Variants in DLGAP1 observed in about 807,000 individuals in gnomAD.
DLGAP1 encodes DLG associated protein 1.
DLGAP1 carries 11 observed loss-of-function variants against 90.8 expected under a neutral mutation model. The ratio of observed to expected loss-of-function variants is 0.12; its 90% CI spans 0.08 to 0.20. The LOEUF (loss-of-function observed/expected upper bound fraction) is 0.20, where lower values mean the gene tolerates loss of function less well. Among genes scored for constraint, DLGAP1 ranks in the 10% least tolerant of loss-of-function variants. The probability of loss-of-function intolerance (pLI) is 1.00; values close to 1 mark genes in which losing one functional copy is unlikely to be tolerated. For missense variants in DLGAP1, 1,050 were observed against 1,333.8 expected, an observed-to-expected ratio of 0.79 and a Z score of 3.31; for synonymous variants, 558 against 540.7, an observed-to-expected ratio of 1.03 and a Z score of -0.44.
intron 2 of DLGAP1, among the ~76,000 whole-genome samples, chr18:4,115,865 C>T (rs1477698332): frequency 6.6e-6 from 1 of 152,176 alleles, no homozygotes; most frequent in Non-Finnish European, 1.5e-5. Flanking sequence ...TATAAACTCA[C>T]TAATATAATG....
Position 4,223,090 on chromosome 18 carries a change from C to G in DLGAP1, c.-266-71803G>C, listed in dbSNP as rs557441691. Among the ~76,000 whole-genome samples, 4 of 152,076 alleles carry G rather than the reference C, an allele frequency of 2.6e-5. No individual in the cohort carries two copies. In the South Asian group the frequency reaches 8.3e-4, roughly 32 times the overall value. On this transcript the variant is annotated intron_variant, in intron 1 of 12. Coordinates refer to ENST00000315677, the MANE Select transcript of DLGAP1 (RefSeq NM_004746.4). ...TAGCAACATAGCAAGACCCCTGTCT[C>G]TCTAAGAAAATAAAATAAAATAAAA...
intron 10 of DLGAP1, among the ~76,000 whole-genome samples, chr18:3,532,519 G>A (rs776529592): frequency 8.9e-4 from 135 of 151,278 alleles, no homozygotes; most frequent in Non-Finnish European, 5.2e-4. Flanking sequence ...CAGACGTTGC[G>A]GTGAGCCAAG....
intron 1 of DLGAP1, among the ~76,000 whole-genome samples, chr18:4,356,220 C>G (rs868866297): frequency 5.3e-5 from 8 of 151,758 alleles, no homozygotes; most frequent in Admixed American, 2.0e-4. Flanking sequence ...AGGTTCTTCT[C>G]TTTTTCCCAG....
chr18:3,819,076 C>T (rs961835671), intron 4 of DLGAP1, among the ~76,000 whole-genome samples: 11 of 151,632 alleles, frequency 7.3e-5, no homozygotes, highest in Non-Finnish European at 1.3e-4. Context: ...CTTTGGGAGG[C>T]CGAGACGGGC....
intron 7 of DLGAP1, among the ~76,000 whole-genome samples, chr18:3,680,459 C>T (rs1176711666): frequency 6.6e-6 from 1 of 152,176 alleles, no homozygotes; most frequent in Non-Finnish European, 1.5e-5. Flanking sequence ...TGTTGTCAGA[C>T]ATGTTCTGTT....
At position 3,569,359 on chromosome 18, in the gene DLGAP1, T is replaced by C. The variant is rs78433739; in HGVS notation, c.1966-1778A>G. Among the ~76,000 whole-genome samples the C allele has an allele frequency of 4.0e-3, 616 of 152,102 alleles. 17 individuals are homozygous for C. The highest frequency in any genetic ancestry group is 0.026 in the East Asian group (133 of 5,090). On this transcript the variant is annotated intron_variant, in intron 8 of 12. Coordinates refer to ENST00000315677, the MANE Select transcript of DLGAP1 (RefSeq NM_004746.4). ...TAAGTTGTCTGTTCATATCCTTTAC[T>C]AGTCTCCTCCCTAATTAGGCTGTTT...
At chr18:3,651,937 C>T (rs2059322446) in intron 7 of DLGAP1, among the ~76,000 whole-genome samples, 1 of 151,964 alleles carries the variant, frequency 6.6e-6, no homozygotes, top group South Asian at 2.1e-4. Flanking sequence ...CGCCACTGCG[C>T]TCCAGCCTGG....
At chr18:3,642,614 T>C (rs1599687200) in intron 7 of DLGAP1, among the ~76,000 whole-genome samples, 1 of 152,218 alleles carries the variant, frequency 6.6e-6, no homozygotes, top group East Asian at 1.9e-4. Flanking sequence ...TTTTTGGTTT[T>C]CTCCTCTACA....
At chr18:4,190,763 T>C (rs2077381629) in intron 1 of DLGAP1, among the ~76,000 whole-genome samples, 2 of 152,148 alleles carry the variant, frequency 1.3e-5, no homozygotes, top group Admixed American at 6.5e-5. Flanking sequence ...TTCTTGTGTC[T>C]AGGTTTGGAG....
intron 1 of DLGAP1, among the ~76,000 whole-genome samples, chr18:4,324,768 CAT>C (rs2080777893): frequency 2.4e-5 from 1 of 41,538 alleles, no homozygotes; most frequent in Non-Finnish European, 4.3e-5. Context: ...ACAAAAACCA[CAT>C]GATTACCTTA....
chr18:3,893,010 A>G (rs73374564), intron 3 of DLGAP1, among the ~76,000 whole-genome samples: 7,183 of 151,550 alleles, frequency 0.047, 630 homozygotes, highest in African/African-American at 0.17. Flanking sequence ...GCCATCCCCC[A>G]AAAAGTGTAC....
intron 4 of DLGAP1, among the ~76,000 whole-genome samples, chr18:3,852,274 A>G (rs775903438): frequency 5.9e-5 from 9 of 152,220 alleles, no homozygotes; most frequent in Non-Finnish European, 1.2e-4. Context: ...AGAATCCTTA[A>G]GGCAGTCAAG....
At chr18:3,637,998 A>G (rs1187430473) in intron 7 of DLGAP1, among the ~76,000 whole-genome samples, 24 of 140,654 alleles carry the variant, frequency 1.7e-4, no homozygotes, top group African/African-American at 3.6e-4. Context: ...CCAGGCTGGA[A>G]TGCAGTGGCA....
intron 8 of DLGAP1, 130 bp from the exon 9 acceptor site, chr18:3,567,711 A>G (rs1016937732): frequency 1.9e-5 from 15 of 792,324 alleles, no homozygotes; most frequent in African/African-American, 1.7e-4. Flanking sequence ...TCCTTGTTCA[A>G]TATTTGTGTA....
At chr18:3,570,232 G>C (rs576985764) in intron 8 of DLGAP1, among the ~76,000 whole-genome samples, 1 of 151,648 alleles carries the variant, frequency 6.6e-6, no homozygotes, top group Non-Finnish European at 1.5e-5. Flanking sequence ...ACCTGTTTCT[G>C]GCCTATTGAT....
At chr18:4,380,017 A>T (rs1171914192) in intron 1 of DLGAP1, among the ~76,000 whole-genome samples, 1 of 152,196 alleles carries the variant, frequency 6.6e-6, no homozygotes, top group Non-Finnish European at 1.5e-5. Flanking sequence ...CTCATGGAGA[A>T]ATAAAATAGA....
intron 2 of DLGAP1, among the ~76,000 whole-genome samples, chr18:4,028,852 T>C (rs569113122): frequency 7.2e-5 from 11 of 152,348 alleles, no homozygotes; most frequent in African/African-American, 2.4e-4. Context: ...ATGTGCTAAA[T>C]GCCATCTAAC....
At chr18:4,433,288 C>T (rs1421331036) in intron 1 of DLGAP1, among the ~76,000 whole-genome samples, 1 of 152,202 alleles carries the variant, frequency 6.6e-6, no homozygotes, top group Non-Finnish European at 1.5e-5. Context: ...GGGACTAATG[C>T]TCTTTGGGAA....
intron 7 of DLGAP1, among the ~76,000 whole-genome samples, chr18:3,592,860 AAAAAAAAGAAAAAGAAAGAAAGAAAAAG>A (rs2056336388): frequency 1.6e-5 from 2 of 127,534 alleles, no homozygotes; most frequent in African/African-American, 6.3e-5. Context: ...AAAAAAAAAA[AAAAAAAAGAAAAAGAAAGAAAGAAAAAG>A]AAAAAGAAAA....
Sources: allele counts gnomAD v4.1 joint callset (sites outside exome capture counted in the v4.1 genomes callset), GRCh38; gene constraint gnomAD v4.1.1; transcripts MANE v1.5; gene names NCBI Gene and HGNC (gene_info 2026-07-23, HGNC 2026-07-21).